The following GON4L variants were observed in gnomAD, a reference collection of about 807,000 sequenced individuals.
GON4L encodes the protein gon-4 like.
Under a neutral mutation model 211.8 loss-of-function variants are expected in GON4L, and 87 were observed. That is an observed-to-expected ratio of 0.41 (90% CI 0.35 to 0.49). The LOEUF is 0.49. GON4L is among the 20% of genes least tolerant of loss of function. GON4L has a pLI of 0.15. For missense variants in GON4L, 2,155 were observed against 2,659.5 expected (o/e 0.81, Z 4.17); for synonymous variants, 875 against 962.6 (o/e 0.91, Z 1.68).
rs1310561102 is a variant in GON4L at position 155,752,260 on chromosome 1, T to G, written c.6173A>C (p.Lys2058Thr). 1 of 1,602,680 alleles carries G rather than the reference T, an allele frequency of 6.2e-7. No homozygotes were observed. The highest frequency in any genetic ancestry group is 8.5e-7 in the Non-Finnish European group (1 of 1,170,340). ...PASFLSPVSS[K>T]TRDAGRRHVS... ...ATGTCTTCTCCCTGCATCTCTGGTC[T>G]TTGAGGAAACAGGACTCAGGAAGGA... Residue 2058 changes from lysine (K) to threonine (T), a missense_variant, in exon 30 of 32, where the codon AAG (lysine) becomes ACG (threonine). Coordinates refer to ENST00000368331, the MANE Select transcript of GON4L (RefSeq NM_001282860.2).
intron 12 of GON4L, among the ~76,000 whole-genome samples, chr1:155,789,870 G>A (rs1665345772): frequency 6.6e-6 from 1 of 152,088 alleles, no homozygotes; most frequent in Non-Finnish European, 1.5e-5. Flanking sequence ...ACATCCTCCT[G>A]TATACCTTAT....
At chr1:155,773,288 G>A (rs1663403718) in intron 17 of GON4L, 78 bp from the exon 18 acceptor site, 2 of 1,549,014 alleles carry the variant, frequency 1.3e-6, no homozygotes, top group African/African-American at 2.7e-5. Flanking sequence ...ATGCATTTTT[G>A]CATTTAGGTA....
chr1:155,856,551 A>C (rs1338139730), intron 1 of GON4L, among the ~76,000 whole-genome samples: 1 of 151,320 alleles, frequency 6.6e-6, no homozygotes, highest in Non-Finnish European at 1.5e-5. Flanking sequence ...TTAGTTTTAA[A>C]CCTCCCTTCT....
At chr1:155,745,438 C>T (rs532924031), downstream of GON4L, among the ~76,000 whole-genome samples, 57 of 152,340 alleles carry the variant, frequency 3.7e-4, no homozygotes, top group Non-Finnish European at 4.0e-4. Flanking sequence ...GGCAAGGTTT[C>T]ATTTTTGCCC....
intron 2 of GON4L, among the ~76,000 whole-genome samples, chr1:155,829,848 G>T (rs1286684305): frequency 6.6e-6 from 1 of 152,060 alleles, no homozygotes; most frequent in Non-Finnish European, 1.5e-5. Flanking sequence ...AAGCATTGTG[G>T]AGTCAGAGGG....
chr1:155,814,109 G>T (rs1373007557), intron 9 of GON4L, among the ~76,000 whole-genome samples: 1 of 152,170 alleles, frequency 6.6e-6, no homozygotes, highest in African/African-American at 2.4e-5. Context: ...TAGGAGAAAA[G>T]AAACTCTGCT....
rs1426968473 is a variant in GON4L, at chr1:155,809,996, A to AAATTATATACATATATAATTATAAAT, written c.1452+3637_1452+3638insATTTATAATTATATATGTATATAATT. Among the ~76,000 whole-genome samples, 57 of 132,064 alleles carry AAATTATATACATATATAATTATAAAT rather than the reference A, an allele frequency of 4.3e-4. 2 individuals carry two copies. Among genetic ancestry groups the AAATTATATACATATATAATTATAAAT allele is most frequent in the African/African-American group, 5.0e-4 (18 of 35,906 alleles). The allele number at this position is 132,064 out of a possible 152,430, so 86.6% of individuals were successfully genotyped here. A position where few individuals can be genotyped will look rare whatever the true frequency, so the allele number is the denominator to read the frequency against. Reference sequence around the variant, plus strand: ...ATAAATTATATATATATATAATTATATATATATATATATTTTTGAAATGTA... The same window carrying AAATTATATACATATATAATTATAAAT: ...ATAAATTATATATATATATAATTATAAATTATATACATATATAATTATAAATTATATATATATATTTTTGAAATGTA... On this transcript the variant is annotated intron_variant, in intron 10 of 31. Coordinates refer to ENST00000368331, the MANE Select transcript of GON4L (RefSeq NM_001282860.2).
intron 18 of GON4L, among the ~76,000 whole-genome samples, chr1:155,771,599 A>G (rs1221090586): frequency 1.3e-5 from 2 of 152,122 alleles, no homozygotes; most frequent in Non-Finnish European, 2.9e-5. Flanking sequence ...CATCCTCCCA[A>G]GTATCTGTGA....
At chr1:155,825,443 G>A (rs1669109801) in intron 3 of GON4L, among the ~76,000 whole-genome samples, 1 of 151,488 alleles carries the variant, frequency 6.6e-6, no homozygotes. Flanking sequence ...CATGGTGGCC[G>A]TGCCAGTAAT....
intron 10 of GON4L, among the ~76,000 whole-genome samples, chr1:155,808,140 G>A (rs1195950952): frequency 4.0e-5 from 6 of 151,570 alleles, no homozygotes; most frequent in African/African-American, 9.7e-5. Flanking sequence ...ACATTCAAGC[G>A]ATTCTCCTGC....
chr1:155,844,416 A>G (rs1483055228), intron 2 of GON4L, among the ~76,000 whole-genome samples: 1 of 152,122 alleles, frequency 6.6e-6, no homozygotes, highest in Non-Finnish European at 1.5e-5. Flanking sequence ...CTGGTTACAT[A>G]TATATAACCA....
chr1:155,835,973 G>A (rs1377874438), intron 2 of GON4L, among the ~76,000 whole-genome samples: 2 of 152,190 alleles, frequency 1.3e-5, no homozygotes, highest in South Asian at 2.1e-4. Context: ...GTTGAGCACC[G>A]TGGCTCACGC....
chr1:155,756,837 G>A (rs977621708), intron 27 of GON4L, 121 bp downstream of exon 27: 2 of 704,954 alleles, frequency 2.8e-6, no homozygotes, highest in Non-Finnish European at 4.9e-6. Context: ...GCTGAGGTGG[G>A]AGAATCGCTT....
intron 8 of GON4L, among the ~76,000 whole-genome samples, chr1:155,815,165 T>C (rs1311619894): frequency 6.6e-6 from 1 of 151,968 alleles, no homozygotes; most frequent in Non-Finnish European, 1.5e-5. Flanking sequence ...CATTACAAAG[T>C]GTAAGGCCTT....
intron 12 of GON4L, among the ~76,000 whole-genome samples, chr1:155,790,922 G>T (rs1248213128): frequency 6.6e-6 from 1 of 151,434 alleles, no homozygotes. Flanking sequence ...CCAGCCTGGA[G>T]ACAGAGCGAG....
intron 2 of GON4L, among the ~76,000 whole-genome samples, chr1:155,838,704 A>G (rs1670524834): frequency 6.6e-6 from 1 of 151,654 alleles, no homozygotes; most frequent in Non-Finnish European, 1.5e-5. Context: ...CGGGAGGCAG[A>G]GGTTACAGTA....
At position 155,754,254 on chromosome 1, in the gene GON4L, T is replaced by C. The variant is rs776297890; in HGVS notation, c.5631+121A>G. 98 of 758,782 alleles carry C rather than the reference T, an allele frequency of 1.3e-4. 1 individual carries two copies. Among genetic ancestry groups the C allele is most frequent in the African/African-American group, 1.7e-5 (1 of 58,916 alleles). 47.0% of individuals were successfully genotyped at this position (758,782 alleles called of 1,614,324 possible). On this transcript the variant is annotated intron_variant, in intron 28 of 31. Coordinates refer to ENST00000368331, the MANE Select transcript of GON4L (RefSeq NM_001282860.2). ...CATTTATTTTGCATATGTACACATA[T>C]GTGTATACTGAATGTTATTTATATA...
chr1:155,847,348 T>A (rs1434749341), intron 2 of GON4L, among the ~76,000 whole-genome samples: 2 of 152,066 alleles, frequency 1.3e-5, no homozygotes, highest in South Asian at 2.1e-4. Flanking sequence ...GGGCAGATGA[T>A]CACCTGAGGT....
At chr1:155,795,708 T>C (rs1436996010) in intron 11 of GON4L, among the ~76,000 whole-genome samples, 2 of 152,166 alleles carry the variant, frequency 1.3e-5, no homozygotes, top group Non-Finnish European at 2.9e-5. Context: ...GGCACGATCA[T>C]GGCTCACTGC....
Sources: allele counts gnomAD v4.1 joint callset (sites outside exome capture counted in the v4.1 genomes callset), GRCh38; gene constraint gnomAD v4.1.1; transcripts MANE v1.5; gene names NCBI Gene and HGNC (gene_info 2026-07-23, HGNC 2026-07-21).